Variants in WWOX observed in about 807,000 individuals in gnomAD.
The protein encoded by WWOX is WW domain-containing oxidoreductase.
A neutral mutation model predicts 46.2 loss-of-function variants in WWOX; 69 were observed. The ratio of observed to expected loss-of-function variants is 1.49; its 90% CI spans 1.23 to 1.82. WWOX has a LOEUF of 1.82. WWOX is among the 40% of genes most tolerant of loss of function. The pLI is 0.00. For missense variants in WWOX, 919 were observed against 542.6 expected (o/e 1.69, Z -6.89); for synonymous variants, 359 against 202.6 (o/e 1.77, Z -6.56).
rs139905097 is a variant in WWOX at position 79,012,078 on chromosome 16, G to A, written c.1057-199530G>A. On this transcript the variant is annotated intron_variant, in intron 8 of 8. Transcript: ENST00000566780. ...AAGTGTCAAAGCCAACAGTGGAAGC[G>A]TGGACACTGGGTAGGAGGCTTTTGC... Among the ~76,000 whole-genome samples, 53 of 152,274 alleles carry A rather than the reference G, an allele frequency of 3.5e-4. No individual in the cohort carries two copies. In the East Asian group the frequency reaches 7.3e-3, roughly 21 times the overall value.
At chr16:78,522,327 ATT>A (rs2043366589) in intron 8 of WWOX, among the ~76,000 whole-genome samples, 1 of 152,020 alleles carries the variant, frequency 6.6e-6, no homozygotes, top group Non-Finnish European at 1.5e-5. Context: ...CTTGCGGAAC[ATT>A]AAAGCACAAC....
At chr16:79,023,719 C>G (rs1049594989) in intron 8 of WWOX, among the ~76,000 whole-genome samples, 1 of 150,946 alleles carries the variant, frequency 6.6e-6, no homozygotes, top group African/African-American at 2.4e-5. Context: ...CTCAGAAGTT[C>G]GAGACCAGCC....
intron 4 of WWOX, chr16:78,124,332 A>C (rs550470249): frequency 6.6e-6 from 1 of 152,318 alleles, no homozygotes; most frequent in Admixed American, 6.5e-5. Context: ...TGTTAAAACT[A>C]GATGGCGATT....
intron 8 of WWOX, among the ~76,000 whole-genome samples, chr16:78,452,020 T>C (rs2083701914): frequency 1.3e-5 from 2 of 152,236 alleles, no homozygotes; most frequent in South Asian, 2.1e-4. Context: ...TTAGTGACTC[T>C]AATACATTAT....
chr16:78,713,724 T>C (rs1182615603), intron 8 of WWOX, among the ~76,000 whole-genome samples: 1 of 152,206 alleles, frequency 6.6e-6, no homozygotes, highest in East Asian at 1.9e-4. Flanking sequence ...TGCTGACACC[T>C]TGACCTTGAA....
chr16:78,452,897 G>T, intron 8 of WWOX, among the ~76,000 whole-genome samples: 1 of 125,858 alleles, frequency 7.9e-6, no homozygotes, highest in Admixed American at 7.7e-5. Context: ...TTTTGAGAGG[G>T]AATCTTACTC....
At chr16:79,066,209 A>G (rs999595132) in intron 8 of WWOX, among the ~76,000 whole-genome samples, 1 of 152,058 alleles carries the variant, frequency 6.6e-6, no homozygotes, top group Non-Finnish European at 1.5e-5. Context: ...TCCACGTGGG[A>G]CGTTCCTTCC....
rs539189581 is a variant in WWOX, at chr16:78,099,680, C to T, written c.-99C>T. ...CAGTGCGCAGGCGTGAGCGGTCGGGCCCCGACGCGCGCGGGTCTCGTTTGG... is the reference window on the plus strand; with the variant it reads ...CAGTGCGCAGGCGTGAGCGGTCGGGTCCCGACGCGCGCGGGTCTCGTTTGG... On this transcript the variant is annotated 5_prime_UTR_variant, in exon 1 of 9. Coordinates refer to ENST00000566780, the MANE Select transcript of WWOX (RefSeq NM_016373.4). The T allele has an allele frequency of 4.2e-4, 590 of 1,420,932 alleles. No homozygotes were observed. Among genetic ancestry groups the T allele is most frequent in the Non-Finnish European group, 5.0e-4 (538 of 1,081,206 alleles). The allele number at this position is 1,420,932 out of a possible 1,614,324, so 88.0% of individuals were successfully genotyped here.
rs1025528924 is a variant in WWOX at position 78,924,934 on chromosome 16, C to G, written c.1057-286674C>G. On this transcript the variant is annotated intron_variant, in intron 8 of 8. Transcript: ENST00000566780. ...ACTTGGCCAGGCCTGGAGGTTCATG[C>G]TTGTAATTCCAGCACTTTGGGGGGC... Among the ~76,000 whole-genome samples the G allele has an allele frequency of 4.6e-5, 7 of 152,250 alleles. No individual in the cohort carries two copies. The South Asian group carries it at 6.2e-4, about 14-fold the overall frequency.
chr16:78,769,012 C>G (rs1054381395), intron 8 of WWOX, among the ~76,000 whole-genome samples: 1 of 152,068 alleles, frequency 6.6e-6, no homozygotes, highest in South Asian at 2.1e-4. Flanking sequence ...CTTTTTCAGT[C>G]TCTGGTCAAT....
intron 8 of WWOX, among the ~76,000 whole-genome samples, chr16:78,844,133 C>A (rs1385764373): frequency 6.6e-6 from 1 of 152,114 alleles, no homozygotes; most frequent in Non-Finnish European, 1.5e-5. Flanking sequence ...TGGTTGAAAT[C>A]TATCGTATTT....
chr16:78,624,416 G>C (rs1200093071), intron 8 of WWOX, among the ~76,000 whole-genome samples: 1 of 152,098 alleles, frequency 6.6e-6, no homozygotes, highest in African/African-American at 2.4e-5. Context: ...GTTTGCTTTA[G>C]AGTGCATTAA....
Position 78,417,379 on chromosome 16 carries a change from C to T in WWOX, c.606-7491C>T, listed in dbSNP as rs549297289. Among the ~76,000 whole-genome samples, 9 of 152,224 alleles carry T rather than the reference C, an allele frequency of 5.9e-5. No homozygotes were observed. The East Asian group carries it at 1.2e-3, about 20-fold the overall frequency. On this transcript the variant is annotated intron_variant, in intron 6 of 8. Coordinates refer to ENST00000566780, the MANE Select transcript of WWOX (RefSeq NM_016373.4). The stretch of plus-strand genomic sequence containing the variant: ...CTGTGCTGAGATTACAGGCATGAGC[C>T]ACCATATCTGGCCTATGTTAGCTAT...
chr16:78,878,885 A>G (rs368521429), intron 8 of WWOX, among the ~76,000 whole-genome samples: 2 of 125,168 alleles, frequency 1.6e-5, no homozygotes, highest in African/African-American at 6.1e-5. Flanking sequence ...GCAAAATACT[A>G]TCTCTACAAA....
chr16:79,079,050 T>C (rs1054343004), intron 8 of WWOX, among the ~76,000 whole-genome samples: 2 of 152,234 alleles, frequency 1.3e-5, no homozygotes, highest in African/African-American at 4.8e-5. Context: ...CTAACTGCTA[T>C]AACAACTTTA....
intron 8 of WWOX, among the ~76,000 whole-genome samples, chr16:78,504,044 G>T (rs113401674): frequency 0.028 from 4,193 of 152,050 alleles, 189 homozygotes; most frequent in African/African-American, 0.096. Flanking sequence ...TGTCAGTCAG[G>T]GGGAAAAAAG....
intron 5 of WWOX, among the ~76,000 whole-genome samples, chr16:78,373,176 T>C (rs1005878814): frequency 9.2e-5 from 14 of 152,194 alleles, no homozygotes. Context: ...ACATTTTAGC[T>C]CTTCCCTAGA....
At chr16:79,102,040 G>A (rs1215312597) in intron 8 of WWOX, among the ~76,000 whole-genome samples, 4 of 125,580 alleles carry the variant, frequency 3.2e-5, no homozygotes, top group South Asian at 3.5e-4. Flanking sequence ...TGGTGGGGGT[G>A]GGGGGCAGGG....
intron 8 of WWOX, among the ~76,000 whole-genome samples, chr16:79,165,537 T>G (rs1442697203): frequency 6.6e-6 from 1 of 152,194 alleles, no homozygotes; most frequent in African/African-American, 2.4e-5. Flanking sequence ...TATGTTGGTG[T>G]TTTGTTTTGT....
Sources: gnomAD v4.1 joint callset for allele counts (sites outside exome capture counted in the v4.1 genomes callset) on GRCh38, gnomAD v4.1.1 for gene constraint, MANE v1.5 for transcripts, NCBI Gene and HGNC (gene_info 2026-07-23, HGNC 2026-07-21) for gene names.